Variants in PRKN observed in about 807,000 individuals in gnomAD.
PRKN encodes the protein parkin RBR E3 ubiquitin protein ligase.
A neutral mutation model predicts 59.5 loss-of-function variants in PRKN; 56 were observed. The ratio of observed to expected loss-of-function variants is 0.94; its 90% confidence interval spans 0.76 to 1.18. PRKN has a LOEUF of 1.18. PRKN is among the 50% of genes most tolerant of loss of function. The pLI is 0.00. For synonymous variants in PRKN, 250 were observed against 222.1 expected, an observed-to-expected ratio of 1.13 and a Z score of -1.12; for missense variants, 657 against 596.4, an observed-to-expected ratio of 1.10 and a Z score of -1.06.
chr6:161,621,403 G>T (rs1383238192), intron 7 of PRKN, among the ~76,000 whole-genome samples: 1 of 152,158 alleles, frequency 6.6e-6, no homozygotes, highest in Admixed American at 6.5e-5. Context: ...GGGGTTGGGT[G>T]CTGATGAAAG....
At chr6:162,294,467 T>C (rs1225197234) in intron 2 of PRKN, among the ~76,000 whole-genome samples, 1 of 152,120 alleles carries the variant, frequency 6.6e-6, no homozygotes, top group Non-Finnish European at 1.5e-5. Flanking sequence ...AATTGTGGAA[T>C]TGATTAATAA....
At chr6:162,164,126 A>T (rs1295795542) in intron 4 of PRKN, among the ~76,000 whole-genome samples, 3 of 149,446 alleles carry the variant, frequency 2.0e-5, no homozygotes, top group African/African-American at 7.5e-5. Flanking sequence ...ATGTTAAGTC[A>T]AATGAAGTAG....
intron 9 of PRKN, among the ~76,000 whole-genome samples, chr6:161,392,519 C>G (rs938918461): frequency 6.6e-6 from 1 of 151,764 alleles, no homozygotes; most frequent in Non-Finnish European, 1.5e-5. Flanking sequence ...CTCTCTCTCT[C>G]TCTCTCTCTC....
At chr6:161,892,866 G>A (rs776264788) in intron 6 of PRKN, among the ~76,000 whole-genome samples, 9 of 152,186 alleles carry the variant, frequency 5.9e-5, no homozygotes, top group Non-Finnish European at 1.3e-4. Flanking sequence ...TTTATGAGAC[G>A]GAGTCTCACT....
intron 1 of PRKN, among the ~76,000 whole-genome samples, chr6:162,511,042 A>C (rs879571688): frequency 1.4e-4 from 22 of 152,166 alleles, no homozygotes; most frequent in Non-Finnish European, 7.4e-5. Context: ...AATTTTAATG[A>C]AACAACCATT....
At chr6:162,553,030 G>T (rs1041962149) in intron 1 of PRKN, among the ~76,000 whole-genome samples, 2 of 152,146 alleles carry the variant, frequency 1.3e-5, no homozygotes, top group South Asian at 2.1e-4. Context: ...TGTTGGTGAT[G>T]CTGTCTCAGG....
At chr6:162,424,903 T>G (rs543113025) in intron 2 of PRKN, among the ~76,000 whole-genome samples, 1 of 152,130 alleles carries the variant, frequency 6.6e-6, no homozygotes, top group East Asian at 1.9e-4. Flanking sequence ...AAAAACAAGT[T>G]TCATTAATTA....
chr6:161,511,615 C>T (rs1006913268), intron 9 of PRKN, among the ~76,000 whole-genome samples: 2 of 152,160 alleles, frequency 1.3e-5, no homozygotes, highest in Non-Finnish European at 2.9e-5. Context: ...GAATTATGGT[C>T]ATACTGTCAC....
chr6:161,438,991 G>A (rs1789061112), intron 9 of PRKN, among the ~76,000 whole-genome samples: 1 of 152,204 alleles, frequency 6.6e-6, no homozygotes, highest in Non-Finnish European at 1.5e-5. Context: ...CAGTTTCAGA[G>A]TAGGCTATCT....
chr6:162,512,206 T>C (rs1321024004), intron 1 of PRKN, among the ~76,000 whole-genome samples: 1 of 152,222 alleles, frequency 6.6e-6, no homozygotes, highest in African/African-American at 2.4e-5. Context: ...AAAAATGGGT[T>C]GTGTCATTTC....
intron 9 of PRKN, among the ~76,000 whole-genome samples, chr6:161,436,462 G>T (rs74772450): frequency 0.012 from 1,217 of 104,568 alleles, 15 homozygotes; most frequent in East Asian, 0.063. Context: ...GACTTTTTTG[G>T]GGGGGGGTGG....
intron 4 of PRKN, among the ~76,000 whole-genome samples, chr6:162,134,158 G>A (rs1471556588): frequency 1.3e-5 from 2 of 152,138 alleles, no homozygotes; most frequent in Non-Finnish European, 2.9e-5. Context: ...GGAGACACAT[G>A]GTCCAAGACA....
Position 161,391,665 on chromosome 6 carries a change from T to C in PRKN, c.1084-4788A>G, listed in dbSNP as rs1026208660. Among the ~76,000 whole-genome samples the C allele has an allele frequency of 2.6e-5, 4 of 152,162 alleles. No homozygotes were observed. Among genetic ancestry groups the C allele is most frequent in the African/African-American group, 9.6e-5 (4 of 41,470 alleles). ...TCTTGGTGTTTCTGTGAAGCTTTCT[T>C]GTAGATGTGACTAGGATCTATAATC... On this transcript the variant is annotated intron_variant, in intron 9 of 11. Coordinates refer to ENST00000366898, the MANE Select transcript of PRKN (RefSeq NM_004562.3). This position sits in a 1 kb window ranked among gnomAD's most constrained non-coding sequence, Gnocchi z 4.9.
intron 7 of PRKN, among the ~76,000 whole-genome samples, chr6:161,721,446 C>G (rs1262680159): frequency 6.6e-6 from 1 of 151,832 alleles, no homozygotes; most frequent in African/African-American, 2.4e-5. Context: ...AGGGCCAGCC[C>G]TCCTGACTAA....
Position 161,487,267 on chromosome 6 carries a change from T to C in PRKN, c.1083+61587A>G, listed in dbSNP as rs908067717. On this transcript the variant is annotated intron_variant, in intron 9 of 11. Coordinates refer to ENST00000366898, the MANE Select transcript of PRKN (RefSeq NM_004562.3). The surrounding 1 kb of genome is among the most constrained non-coding windows in gnomAD (Gnocchi z 5.3). The stretch of plus-strand genomic sequence containing the variant: ...GCATAGACCCATGAAGTGGGCTTGC[T>C]CAGTAACAACTGCTCAGTGAAGGGG... Among the ~76,000 whole-genome samples the C allele has an allele frequency of 6.6e-6, 1 of 152,178 alleles. No homozygotes were observed. The highest frequency in any genetic ancestry group is 1.5e-5 in the Non-Finnish European group (1 of 68,034).
At chr6:162,399,703 C>A (rs1036132368) in intron 2 of PRKN, among the ~76,000 whole-genome samples, 4 of 151,736 alleles carry the variant, frequency 2.6e-5, no homozygotes, top group Non-Finnish European at 2.9e-5. Flanking sequence ...ATGAATCAAC[C>A]AAGCAGTTGT....
At position 162,182,180 on chromosome 6, in the gene PRKN, T is replaced by C. The variant is rs138182171; in HGVS notation, c.534+18951A>G. ...GAGCTGTTATTTGCTGTATTACTGC[T>C]GTACTAGTCCCTTCTTGATGGTTCC... is the stretch of plus-strand genomic sequence containing the variant. On this transcript the variant is annotated intron_variant, in intron 4 of 11. Coordinates refer to ENST00000366898, the MANE Select transcript of PRKN (RefSeq NM_004562.3). Among the ~76,000 whole-genome samples, 360 of 152,306 alleles carry C rather than the reference T, an allele frequency of 2.4e-3. 3 individuals carry two copies. The highest frequency in any genetic ancestry group is 8.3e-3 in the African/African-American group (343 of 41,560).
chr6:162,376,178 G>T (rs1474935340), intron 2 of PRKN, among the ~76,000 whole-genome samples: 5 of 152,114 alleles, frequency 3.3e-5, no homozygotes, highest in African/African-American at 7.2e-5. Context: ...GGAGGAGGCA[G>T]TGACAACAGG....
chr6:161,764,441 G>A (rs372994611), intron 7 of PRKN, among the ~76,000 whole-genome samples: 4 of 152,154 alleles, frequency 2.6e-5, no homozygotes, highest in African/African-American at 7.2e-5. Flanking sequence ...CTATGCAACC[G>A]TCTTTGTTTT....
Sources: allele counts gnomAD v4.1 joint callset (sites outside exome capture counted in the v4.1 genomes callset), GRCh38; gene constraint gnomAD v4.1.1; non-coding constraint Gnocchi (gnomAD v3.1); transcripts MANE v1.5; gene names NCBI Gene and HGNC (gene_info 2026-07-23, HGNC 2026-07-21).